Variants in SYN3 observed in about 807,000 individuals in gnomAD.
SYN3 encodes synapsin III, also known as synapsin-3.
Under a neutral mutation model 65.8 loss-of-function variants are expected in SYN3, and 35 were observed. That is an observed-to-expected ratio of 0.53 (90% CI 0.41 to 0.70). The LOEUF is 0.70. Ranked by LOEUF, SYN3 falls within the 30% of genes least tolerant of loss-of-function variation. The probability of loss-of-function intolerance (pLI) is 0.00; values close to 1 mark genes in which losing one functional copy is unlikely to be tolerated. For synonymous variants in SYN3, 270 were observed against 292.9 expected, an observed-to-expected ratio of 0.92 and a Z score of 0.80; for missense variants, 680 against 749.0, an observed-to-expected ratio of 0.91 and a Z score of 1.08.
intron 3 of SYN3, among the ~76,000 whole-genome samples, chr22:32,955,924 A>G (rs1204765288): frequency 6.6e-6 from 1 of 151,638 alleles, no homozygotes; most frequent in African/African-American, 2.4e-5. Flanking sequence ...GCCCTCTAAC[A>G]TTGGACTCCG....
intron 4 of SYN3, among the ~76,000 whole-genome samples, chr22:32,878,290 T>G (rs1391407712): frequency 6.6e-6 from 1 of 152,180 alleles, no homozygotes; most frequent in Non-Finnish European, 1.5e-5. Flanking sequence ...TCATGTGCAG[T>G]TCTTCTCCCT....
At chr22:32,795,718 G>A (rs2046414011) in intron 6 of SYN3, among the ~76,000 whole-genome samples, 1 of 152,196 alleles carries the variant, frequency 6.6e-6, no homozygotes, top group South Asian at 2.1e-4. Flanking sequence ...GGAAGAACCT[G>A]AGGAGTCTGC....
At position 32,566,823 on chromosome 22, in the gene SYN3, G is replaced by T. The variant is rs539986703; in HGVS notation, c.775-25110C>A. Among the ~76,000 whole-genome samples the T allele has an allele frequency of 7.2e-5, 11 of 152,246 alleles. No individual in the cohort carries two copies. The South Asian group carries it at 2.3e-3, about 32-fold the overall frequency. On this transcript the variant is annotated intron_variant, in intron 7 of 13. Transcript: ENST00000358763. ...ACTTGAACATTCTTTAGTGTTGAAA[G>T]ATGCCCTTCAGAAAGCAACATTGAG...
intron 12 of SYN3, among the ~76,000 whole-genome samples, chr22:32,525,024 A>T (rs116293000): frequency 0.02 from 3,044 of 152,146 alleles, 63 homozygotes; most frequent in African/African-American, 0.054. Flanking sequence ...CAAAAAAAAA[A>T]TTTTTTTCAT....
At chr22:32,554,934 G>C (rs1369135963) in intron 7 of SYN3, among the ~76,000 whole-genome samples, 2 of 152,164 alleles carry the variant, frequency 1.3e-5, no homozygotes, top group East Asian at 3.8e-4. Flanking sequence ...CTTGAATACT[G>C]GATTGCTGTT....
rs10666789 is a variant in SYN3, at chr22:32,549,888, C to CAAAA, written c.775-8179_775-8176dup. The stretch of plus-strand genomic sequence containing the variant: ...TGGGCAGCACAGCGAGACTCTGTCT[C>CAAAA]AAAAAAAAAAAATGCAATGAAGGAA... On this transcript the variant is annotated intron_variant, in intron 7 of 13. Transcript: ENST00000358763. Among the ~76,000 whole-genome samples the CAAAA allele has an allele frequency of 3.3e-3, 464 of 142,006 alleles. 10 individuals are homozygous for CAAAA. Among genetic ancestry groups the CAAAA allele is most frequent in the South Asian group, 0.012 (55 of 4,412 alleles). 93.2% of individuals were successfully genotyped at this position (142,006 alleles called of 152,430 possible). A position where few individuals can be genotyped will look rare whatever the true frequency, so the allele number is the denominator to read the frequency against.
At chr22:32,940,073 T>C (rs1487067398) in intron 3 of SYN3, among the ~76,000 whole-genome samples, 1 of 152,218 alleles carries the variant, frequency 6.6e-6, no homozygotes, top group Non-Finnish European at 1.5e-5. Flanking sequence ...TAATAGTACA[T>C]TGTAGTTTTA....
chr22:32,650,230 T>TCCCC lies in SYN3; in HGVS notation c.712-53495_712-53494insGGGG, dbSNP rs1433384193. ...ACACTTTTCTTTCTCTCTCTCTCTC[T>TCCCC]CTCCCTCCCTCCCTCCCTCCCTCCC... On this transcript the variant is annotated intron_variant, in intron 6 of 13. Coordinates refer to ENST00000358763, the MANE Select transcript of SYN3 (RefSeq NM_003490.4). Among the ~76,000 whole-genome samples the TCCCC allele has an allele frequency of 2.6e-4, 24 of 93,296 alleles. 1 individual carries two copies. The South Asian group carries it at 2.8e-3, about 11-fold the overall frequency. The allele number at this position is 93,296 out of a possible 152,430, so 61.2% of individuals were successfully genotyped here. A position where few individuals can be genotyped will look rare whatever the true frequency, so the allele number is the denominator to read the frequency against.
At chr22:32,865,204 C>T (rs571383913) in intron 5 of SYN3, among the ~76,000 whole-genome samples, 200 bp from the exon 6 acceptor site, 1 of 152,316 alleles carries the variant, frequency 6.6e-6, no homozygotes, top group South Asian at 2.1e-4. Flanking sequence ...TTAACCCCTC[C>T]ATTTCTGCCC....
intron 2 of SYN3, among the ~76,000 whole-genome samples, chr22:32,984,161 C>CAAAAAAAAAAAAAAAAAAAAAAAA (rs35678412): frequency 9.7e-5 from 9 of 93,000 alleles, no homozygotes; most frequent in African/African-American, 1.3e-4. Flanking sequence ...AAACTCCATC[C>CAAAAAAAAAAAAAAAAAAAAAAAA]AAAAAAAAAA....
At chr22:32,905,727 A>G (rs1245482371) in intron 4 of SYN3, among the ~76,000 whole-genome samples, 1 of 152,208 alleles carries the variant, frequency 6.6e-6, no homozygotes, top group Non-Finnish European at 1.5e-5. Context: ...TGGCTGCAAG[A>G]GCCTGTATTC....
intron 12 of SYN3, among the ~76,000 whole-genome samples, chr22:32,524,099 T>C (rs4821068): frequency 3.3e-5 from 5 of 152,216 alleles, no homozygotes; most frequent in Admixed American, 3.3e-4. Flanking sequence ...GGGTGAAGTC[T>C]CAGGAAAGAA....
chr22:32,630,997 A>C (rs1413554087), intron 6 of SYN3, among the ~76,000 whole-genome samples: 1 of 152,228 alleles, frequency 6.6e-6, no homozygotes, highest in Non-Finnish European at 1.5e-5. Context: ...GGGATGTTTA[A>C]AAATACCTGC....
intron 4 of SYN3, among the ~76,000 whole-genome samples, chr22:32,899,287 T>C (rs922661936): frequency 6.6e-6 from 1 of 152,060 alleles, no homozygotes; most frequent in Non-Finnish European, 1.5e-5. Context: ...ACAATGAAAA[T>C]GGCAATAATG....
At chr22:32,748,978 C>G (rs1380302376) in intron 6 of SYN3, among the ~76,000 whole-genome samples, 1 of 152,072 alleles carries the variant, frequency 6.6e-6, no homozygotes, top group Non-Finnish European at 1.5e-5. Flanking sequence ...ACATTTTGCC[C>G]CCGCTCCCAA....
intron 4 of SYN3, among the ~76,000 whole-genome samples, chr22:32,921,999 T>A (rs1251185991): frequency 6.6e-6 from 1 of 152,126 alleles, no homozygotes; most frequent in Non-Finnish European, 1.5e-5. Flanking sequence ...ATTAGGCCAT[T>A]TCATGAGTTC....
intron 6 of SYN3, among the ~76,000 whole-genome samples, chr22:32,660,065 T>G (rs915196437): frequency 2.6e-5 from 4 of 152,234 alleles, no homozygotes; most frequent in African/African-American, 9.6e-5. Flanking sequence ...CTTGCTATCA[T>G]TCTCACTGAT....
chr22:32,792,415 T>A (rs754076711), intron 6 of SYN3, among the ~76,000 whole-genome samples: 54 of 152,324 alleles, frequency 3.5e-4, no homozygotes, highest in Middle Eastern at 3.4e-3. Flanking sequence ...AGCTATTTTA[T>A]GTGGTAGGAC....
intron 1 of SYN3, among the ~76,000 whole-genome samples, chr22:33,019,284 T>C (rs1016975458): frequency 6.6e-6 from 1 of 152,208 alleles, no homozygotes; most frequent in African/African-American, 2.4e-5. Flanking sequence ...CCTTTGTATA[T>C]ACTTTTCCCT....
Sources: gnomAD v4.1 joint callset for allele counts (sites outside exome capture counted in the v4.1 genomes callset) on GRCh38, gnomAD v4.1.1 for gene constraint, MANE v1.5 for transcripts, NCBI Gene and HGNC (gene_info 2026-07-23, HGNC 2026-07-21) for gene names.